KLHL30: variants seen among roughly 807,000 people sequenced by gnomAD.
The protein encoded by KLHL30 is kelch-like protein 30.
KLHL30 carries 55 observed loss-of-function variants against 55.0 expected under a neutral mutation model. The ratio of observed to expected loss-of-function variants is 1.00; its 90% confidence interval spans 0.80 to 1.25. The LOEUF (loss-of-function observed/expected upper bound fraction) is 1.25, where lower values mean the gene tolerates loss of function less well. Among genes scored for constraint, KLHL30 ranks in the 50% most tolerant of loss-of-function variants. KLHL30 has a pLI of 0.00. For synonymous variants in KLHL30, 356 were observed against 372.6 expected, an observed-to-expected ratio of 0.96 and a Z score of 0.51; for missense variants, 786 against 811.6, an observed-to-expected ratio of 0.97 and a Z score of 0.38.
At position 238,144,939 on chromosome 2, in the gene KLHL30, C is replaced by G. The variant is rs1274187773; in HGVS notation, c.945C>G (p.His315Gln). The G allele has an allele frequency of 8.7e-6, 14 of 1,611,598 alleles. No individual in the cohort carries two copies. The highest frequency in any genetic ancestry group is 1.1e-5 in the South Asian group (1 of 90,284). The part of the protein sequence containing the change: ...WMALPDFPDY[H>Q]KWGFSLAALN... ...CACTTCCAGACTTCCCCGACTATCACAAGTGGGGTTTCTCCCTGGCGGCCC... is the reference window on the plus strand; with the variant it reads ...CACTTCCAGACTTCCCCGACTATCAGAAGTGGGGTTTCTCCCTGGCGGCCC... Residue 315 changes from histidine to glutamine, a missense_variant, in exon 4 of 8, where the codon CAC becomes CAG. Physicochemically the swap from His to Gln is conservative, Grantham distance 24. Coordinates refer to ENST00000409223, the MANE Select transcript of KLHL30 (RefSeq NM_198582.4).
rs1692663900 is a variant in KLHL30, at chr2:238,147,199, T to C, written c.1151-635T>C. Reference sequence around the variant, plus strand: ...AACAAAACACATGGGGCCCAAAAGCTCTGTAGGTGATGAACTGGTCTTGAG... The same window carrying C: ...AACAAAACACATGGGGCCCAAAAGCCCTGTAGGTGATGAACTGGTCTTGAG... On this transcript the variant is annotated intron_variant, in intron 5 of 7. Transcript: ENST00000409223. This position sits in a 1 kb window ranked among gnomAD's most constrained non-coding sequence, Gnocchi z 5.8. Among the ~76,000 whole-genome samples, 1 of 150,062 alleles carries C rather than the reference T, an allele frequency of 6.7e-6. No individual in the cohort carries two copies. Among genetic ancestry groups the C allele is most frequent in the Non-Finnish European group, 1.5e-5 (1 of 67,608 alleles).
At chr2:238,148,081 T>C in intron 6 of KLHL30, 59 bp downstream of exon 6, 1 of 1,320,130 alleles carries the variant, frequency 7.6e-7, no homozygotes, top group Non-Finnish European at 9.8e-7. Flanking sequence ...CAGGCGACAG[T>C]CCGCTCGTAG....
At position 238,152,070 on chromosome 2, in the gene KLHL30, G is replaced by A. The variant is rs974931110; in HGVS notation, c.*1005G>A. 21 of 985,406 alleles carry A rather than the reference G, an allele frequency of 2.1e-5. No homozygotes were observed. Among genetic ancestry groups the A allele is most frequent in the Admixed American group, 6.1e-5 (1 of 16,274 alleles). The allele number at this position is 985,406 out of a possible 1,614,324, so 61.0% of individuals were successfully genotyped here. On this transcript the variant is annotated 3_prime_UTR_variant, in exon 8 of 8. Coordinates refer to ENST00000409223, the MANE Select transcript of KLHL30 (RefSeq NM_198582.4). ...GGACTCTCCCTGGGTGCCCAATGGC[G>A]TGTCCCTCCTGTCACAGGCTCCGCC...
In KLHL30 at chr2:238,151,778, C is replaced by A; in HGVS notation, c.*713C>A. The A allele has an allele frequency of 4.7e-6, 3 of 642,204 alleles. No individual in the cohort carries two copies. The highest frequency in any genetic ancestry group is 2.0e-5 in the African/African-American group (1 of 50,628). The allele number at this position is 642,204 out of a possible 1,614,324, so 39.8% of individuals were successfully genotyped here. A position where few individuals can be genotyped will look rare whatever the true frequency, so the allele number is the denominator to read the frequency against. ...GAGGGAGGCAGGGCGTGGGGCGGGG[C>A]TGGAGGGTCCCAGGGAGGTGAGCAG... is the stretch of plus-strand genomic sequence containing the variant. On this transcript the variant is annotated 3_prime_UTR_variant, in exon 8 of 8. Transcript: ENST00000409223.
rs976145761 is a variant in KLHL30 at position 238,147,286 on chromosome 2, C to T, written c.1151-548C>T. On this transcript the variant is annotated intron_variant, in intron 5 of 7. Transcript: ENST00000409223. This position sits in a 1 kb window ranked among gnomAD's most constrained non-coding sequence, Gnocchi z 5.8. ...TTTCTCTCAGTGGCTACCGTGTCCC[C>T]AACCAGAGAGCAGAAAGCACCCAGG... 6.6e-6 allele frequency among the ~76,000 whole-genome samples: 1 copy of T among 152,106 alleles called. No homozygotes were observed. Among genetic ancestry groups the T allele is most frequent in the African/African-American group, 2.4e-5 (1 of 41,388 alleles).
At chr2:238,149,977 C>G (rs1490645266) in intron 7 of KLHL30, among the ~76,000 whole-genome samples, 1 of 152,208 alleles carries the variant, frequency 6.6e-6, no homozygotes, top group East Asian at 1.9e-4. Context: ...TGCAGCCCCC[C>G]TGCAGGCTGC....
Position 238,147,754 on chromosome 2 carries a change from C to T in KLHL30, c.1151-80C>T, listed in dbSNP as rs1574759818. The T allele has an allele frequency of 4.3e-6, 4 of 933,582 alleles. No homozygotes were observed. The East Asian group carries it at 1.3e-4, about 30-fold the overall frequency. The allele number at this position is 933,582 out of a possible 1,614,324, so 57.8% of individuals were successfully genotyped here. On this transcript the variant is annotated intron_variant, in intron 5 of 7. Coordinates refer to ENST00000409223, the MANE Select transcript of KLHL30 (RefSeq NM_198582.4). The surrounding 1 kb of genome is among the most constrained non-coding windows in gnomAD (Gnocchi z 5.8). ...ACCCCACCTCCCACCACTTTGCTGCCTTACAAAGCCCCAGCCCCTGAGTTT... is the reference window on the plus strand; with the variant it reads ...ACCCCACCTCCCACCACTTTGCTGCTTTACAAAGCCCCAGCCCCTGAGTTT...
Position 238,151,137 on chromosome 2 carries a change from T to C in KLHL30, c.*72T>C, listed in dbSNP as rs1692749572. 1.3e-6 allele frequency: 2 copies of C among 1,501,224 alleles called. No individual in the cohort carries two copies. Among genetic ancestry groups the C allele is most frequent in the East Asian group, 4.9e-5 (2 of 40,470 alleles). The allele number at this position is 1,501,224 out of a possible 1,614,324, so 93.0% of individuals were successfully genotyped here. A position where few individuals can be genotyped will look rare whatever the true frequency, so the allele number is the denominator to read the frequency against. ...TCAGCCTGTGGAACGGCCCCTTTCA[T>C]TTTCGCTTATTTGTTCACTCGGAGC... On this transcript the variant is annotated 3_prime_UTR_variant, in exon 8 of 8. Coordinates refer to ENST00000409223, the MANE Select transcript of KLHL30 (RefSeq NM_198582.4).
chr2:238,141,586 C>T, intron 2 of KLHL30, 58 bp downstream of exon 2: 1 of 1,421,008 alleles, frequency 7.0e-7, no homozygotes, highest in Non-Finnish European at 9.2e-7. Context: ...GCCCCAGAGA[C>T]CCCACCTGAG....
intron 3 of KLHL30, 83 bp downstream of exon 3, chr2:238,143,014 G>A (rs765974381): frequency 1.9e-5 from 27 of 1,402,986 alleles, no homozygotes; most frequent in South Asian, 1.2e-4. Context: ...CAGGTGGAGC[G>A]CATGAGGCTC....
At position 238,145,907 on chromosome 2, in the gene KLHL30, C is replaced by A. The variant is rs193061230; in HGVS notation, c.1150+75C>A. 1.0e-3 allele frequency: 1,452 copies of A among 1,436,244 alleles called. 24 individuals are homozygous for A. The highest frequency in any genetic ancestry group is 2.3e-4 in the Non-Finnish European group (248 of 1,076,622). The allele number at this position is 1,436,244 out of a possible 1,614,324, so 89.0% of individuals were successfully genotyped here. ...TCCCTGCAGCAACAGGAACCGAGAG[C>A]CCCATGCTGGCCTCGGAGACCACGG... On this transcript the variant is annotated intron_variant, in intron 5 of 7. Transcript: ENST00000409223.
chr2:238,148,411 G>C (rs545085074), intron 6 of KLHL30, among the ~76,000 whole-genome samples: 1 of 152,164 alleles, frequency 6.6e-6, no homozygotes, highest in South Asian at 2.1e-4. Flanking sequence ...CCCGACCTCC[G>C]AGGCCTCGAG....
At chr2:238,150,078 C>A (rs116641694) in intron 7 of KLHL30, among the ~76,000 whole-genome samples, 1 of 152,172 alleles carries the variant, frequency 6.6e-6, no homozygotes, top group South Asian at 2.1e-4. Context: ...CCCATTACAG[C>A]GGTGAGACAG....
chr2:238,139,479 G>C (rs1692491151), intron 1 of KLHL30, among the ~76,000 whole-genome samples: 1 of 152,210 alleles, frequency 6.6e-6, no homozygotes, highest in African/African-American at 2.4e-5. Flanking sequence ...CACGTGAGCT[G>C]CCCTGTGCGC....
Position 238,149,123 on chromosome 2 carries a change from T to G in KLHL30, c.1456T>G (p.Tyr486Asp). The G allele has an allele frequency of 3.1e-6, 5 of 1,612,964 alleles. No homozygotes were observed. Among genetic ancestry groups the G allele is most frequent in the Non-Finnish European group, 4.2e-6 (5 of 1,179,826 alleles). The change falls in exon 7 of 8, where the codon TAC becomes GAC. Residue 486 changes from tyrosine (Y) to aspartate (D), a missense_variant. Tyr to Asp is a radical substitution (Grantham distance 160). Coordinates refer to ENST00000409223, the MANE Select transcript of KLHL30 (RefSeq NM_198582.4). ...GGACAACACCAAGAAGGTCTACGTG[T>G]ACGACCCCGGGGCCAACCTGTGGCA... The part of the protein sequence containing the change: ...IGDNTKKVYV[Y>D]DPGANLWQKV...
intron 4 of KLHL30, among the ~76,000 whole-genome samples, 193 bp from the exon 5 acceptor site, chr2:238,145,484 G>A (rs755894460): frequency 6.6e-5 from 10 of 152,182 alleles, no homozygotes; most frequent in Non-Finnish European, 1.2e-4. Flanking sequence ...CGATTTTGTC[G>A]TCCTTGTTTA....
chr2:238,142,963 G>A, intron 3 of KLHL30, 32 bp downstream of exon 3: 1 of 1,499,090 alleles, frequency 6.7e-7, no homozygotes, highest in South Asian at 1.4e-5. Flanking sequence ...AGACCCACCT[G>A]CTGTCTCTCT....
intron 3 of KLHL30, among the ~76,000 whole-genome samples, chr2:238,144,655 AG>A (rs201383392): frequency 1.3e-5 from 2 of 152,012 alleles, no homozygotes; most frequent in South Asian, 2.1e-4. Context: ...CTGCTTCTCC[AG>A]GGGGCTATCC....
chr2:238,151,090 G>A lies in KLHL30; in HGVS notation c.*25G>A. On this transcript the variant is annotated 3_prime_UTR_variant, in exon 8 of 8. Transcript: ENST00000409223. The stretch of plus-strand genomic sequence containing the variant: ...AACCAGGGCCAGGGTCCCCGGGGAG[G>A]AGTCCCCACAGCGGCCCCTCATCAG... 2 of 1,566,386 alleles carry A rather than the reference G, an allele frequency of 1.3e-6. No individual in the cohort carries two copies. Among genetic ancestry groups the A allele is most frequent in the Non-Finnish European group, 8.7e-7 (1 of 1,154,380 alleles).
Sources: gnomAD v4.1 joint callset for allele counts (sites outside exome capture counted in the v4.1 genomes callset) on GRCh38, gnomAD v4.1.1 for gene constraint, Gnocchi (gnomAD v3.1) non-coding constraint, MANE v1.5 for transcripts, NCBI Gene and HGNC (gene_info 2026-07-23, HGNC 2026-07-21) for gene names.